USP36: variants seen among roughly 807,000 people sequenced by gnomAD.
USP36 encodes ubiquitin specific peptidase 36.
In USP36, 59 loss-of-function variants were observed where a neutral mutation model predicts 111.5. The ratio of observed to expected loss-of-function variants is 0.53; its 90% CI spans 0.43 to 0.66. The LOEUF (loss-of-function observed/expected upper bound fraction) is 0.66, where lower values mean the gene tolerates loss of function less well. USP36 is among the 30% of genes least tolerant of loss of function. The pLI is 0.00. For missense variants in USP36, 1,488 were observed against 1,468.0 expected (o/e 1.01, Z -0.22); for synonymous variants, 628 against 581.0 (o/e 1.08, Z -1.16).
rs144756950 is a variant in USP36 at position 78,802,329 on chromosome 17, C to T, written c.3017G>A (p.Arg1006His). 1,033 of 1,573,802 alleles carry T rather than the reference C, an allele frequency of 6.6e-4. No homozygotes were observed. The highest frequency in any genetic ancestry group is 7.6e-4 in the Non-Finnish European group (887 of 1,159,566). The change falls in exon 17 of 21, where the codon CGC (arginine) becomes CAC (histidine). Residue 1006 changes from arginine (R) to histidine (H), a missense_variant. Transcript: ENST00000449938. ...CCCCCTCGCCCGGTGCATACCCATG[C>T]GGTCCCCAGGACACCAGCCATTCGC... ...PSANGWCPGD[R>H]MGLSQAPPVS...
rs749228894 is a variant in USP36 at position 78,827,340 on chromosome 17, G to A, written c.594C>T (p.Ala198=). 7 of 1,611,640 alleles carry A rather than the reference G, an allele frequency of 4.3e-6. No homozygotes were observed. The highest frequency in any genetic ancestry group is 4.2e-6 in the Non-Finnish European group (5 of 1,178,296). The part of the protein sequence containing the change: ...VSFIRDLKKI[A]RHFRFGNQED... ...CCTGGTTCCCAAAGCGGAAGTGTCG[G>A]GCGATCTCTAAAAGAGGAAGAAACA... The change falls in exon 6 of 21, where the codon GCC becomes GCT. Residue 198 remains alanine, a synonymous_variant. Transcript: ENST00000449938.
At chr17:78,808,236 GCGATAACTCTCAATAAATA>G (rs78602598) in intron 13 of USP36, among the ~76,000 whole-genome samples, 21,577 of 152,026 alleles carry the variant, frequency 0.14, 1,967 homozygotes, top group Middle Eastern at 0.23. Flanking sequence ...ATTTTTATGG[GCGATAACTCTCAATAAATA>G]TCTTTAAGAC....
upstream of USP36, chr17:78,841,087 A>G (rs1178110227): frequency 1.3e-5 from 2 of 152,164 alleles, no homozygotes; most frequent in Non-Finnish European, 2.9e-5. Flanking sequence ...GCAGCGCACT[A>G]GAGGTGCCGC....
At chr17:78,825,314 A>C (rs994224638) in intron 6 of USP36, among the ~76,000 whole-genome samples, 28 of 152,326 alleles carry the variant, frequency 1.8e-4, no homozygotes, top group African/African-American at 6.3e-4. Flanking sequence ...AGTAACATCA[A>C]AAGTCATCTA....
intron 7 of USP36, chr17:78,821,451 A>G (rs559325393): frequency 1.1e-5 from 1 of 91,430 alleles, no homozygotes; most frequent in African/African-American, 5.3e-5. Context: ...TTTTTGAGAT[A>G]GAGTCTTGCT....
rs143626464 is a variant in USP36, at chr17:78,836,181, C to T, written c.183G>A (p.Val61=). ...CTCCCTCTGTTTTGGGGTTGAGCAA[C>T]ACATATTTGCTCTTTAAGGCCTCCA... The part of the protein sequence containing the change: ...YQLEALKSKY[V]LLNPKTEGAS... The change falls in exon 3 of 21, where the codon GTG becomes GTA. Residue 61 remains valine (V), a synonymous_variant. Coordinates refer to ENST00000449938, the MANE Select transcript of USP36 (RefSeq NM_001385174.1). The T allele has an allele frequency of 1.2e-6, 2 of 1,614,060 alleles. No individual in the cohort carries two copies. Among genetic ancestry groups the T allele is most frequent in the African/African-American group, 2.7e-5 (2 of 74,918 alleles).
At chr17:78,820,401 T>G (rs2094291289) in intron 8 of USP36, among the ~76,000 whole-genome samples, 1 of 152,000 alleles carries the variant, frequency 6.6e-6, no homozygotes. Context: ...AGGTCAACAC[T>G]ACAGTGAGCT....
At chr17:78,823,131 C>A (rs778576275) in intron 6 of USP36, 15 of 398,666 alleles carry the variant, frequency 3.8e-5, no homozygotes, top group Non-Finnish European at 6.2e-5. Context: ...TTCCCAGACT[C>A]CGGGAGCTCT....
Position 78,798,209 on chromosome 17 carries a change from C to A in USP36, c.*20+191G>T. 1.5e-6 allele frequency: 1 copy of A among 686,060 alleles called. No individual in the cohort carries two copies. The highest frequency in any genetic ancestry group is 2.4e-6 in the Non-Finnish European group (1 of 416,110). 42.5% of individuals were successfully genotyped at this position (686,060 alleles called of 1,614,324 possible). ...CCCCCTTATACACACGCATCCCACA[C>A]ACACCCTTCTCCAAGTGACTAGGAC... On this transcript the variant is annotated intron_variant, in intron 20 of 20. Coordinates refer to ENST00000449938, the MANE Select transcript of USP36 (RefSeq NM_001385174.1). This position sits in a 1 kb window ranked among gnomAD's most constrained non-coding sequence, Gnocchi z 5.1.
At chr17:78,813,667 G>T in intron 12 of USP36, 106 bp downstream of exon 12, 1 of 967,962 alleles carries the variant, frequency 1.0e-6, no homozygotes, top group Non-Finnish European at 1.6e-6. Context: ...AATCCCTCCA[G>T]TGGAATTCCC....
chr17:78,804,625 TAAAAAAAAA>T (rs35371422), intron 15 of USP36, among the ~76,000 whole-genome samples: 6 of 38,310 alleles, frequency 1.6e-4, no homozygotes, highest in South Asian at 8.0e-4. Context: ...CCCTGAGATT[TAAAAAAAAA>T]AAAAAAAAAA....
chr17:78,804,497 A>C lies in USP36; in HGVS notation c.2217-519T>G, dbSNP rs1420792378. On this transcript the variant is annotated intron_variant, in intron 15 of 20. Transcript: ENST00000449938. The stretch of plus-strand genomic sequence containing the variant: ...AACCAAAAAAACAAAAACAAAAACA[A>C]AAAAAAAAAAACAAAGTTACCTAGG... 6.2e-4 allele frequency among the ~76,000 whole-genome samples: 4 copies of C among 6,440 alleles called. No homozygotes were observed. In the East Asian group the frequency reaches 0.012, roughly 19 times the overall value. 4.2% of individuals were successfully genotyped at this position (6,440 alleles called of 152,430 possible).
Position 78,818,720 on chromosome 17 carries a change from A to C in USP36, c.970T>G (p.Leu324Val). The C allele has an allele frequency of 2.5e-6, 4 of 1,614,056 alleles. No homozygotes were observed. Among genetic ancestry groups the C allele is most frequent in the Non-Finnish European group, 3.4e-6 (4 of 1,179,922 alleles). ...GCAAAGCGCTTGAGGGAAAGGGTTA[A>C]GACGTTGGATGTTCTGTGGATGGTG... ...RFTIHRTSNVLTLSLKRFANF... is the reference protein window; with the variant it reads ...RFTIHRTSNVVTLSLKRFANF... The change falls in exon 10 of 21, where the codon TTA becomes GTA. Residue 324 changes from leucine (L) to valine (V), a missense_variant. Leu to Val is a conservative substitution (Grantham distance 32). This residue lies in a region of USP36 where 196 missense variants were observed against 264.4 expected (regional missense o/e 0.74). Transcript: ENST00000449938.
chr17:78,791,755 A>T (rs2093586225), downstream of USP36: 1 of 152,194 alleles, frequency 6.6e-6, no homozygotes, highest in South Asian at 2.1e-4. Context: ...AGGAGTGAGA[A>T]ACCTTATGTT....
intron 13 of USP36, among the ~76,000 whole-genome samples, chr17:78,812,559 G>A (rs900557333): frequency 1.1e-4 from 16 of 151,678 alleles, no homozygotes; most frequent in East Asian, 1.9e-4. Flanking sequence ...GGCGTGGTTC[G>A]GGCACCTATA....
intron 18 of USP36, 85 bp from the exon 19 acceptor site, chr17:78,799,108 G>A: frequency 2.3e-6 from 3 of 1,317,058 alleles, no homozygotes; most frequent in East Asian, 4.6e-5. Flanking sequence ...TTACCAACTA[G>A]TCTACTCATA....
intron 7 of USP36, 71 bp from the exon 8 acceptor site, chr17:78,821,132 C>T (rs995232386): frequency 2.1e-6 from 3 of 1,461,390 alleles, no homozygotes; most frequent in Non-Finnish European, 1.9e-6. Context: ...AGACCGAGAC[C>T]CAGCAGGGAG....
At chr17:78,839,931 TC>T (rs2069095368) in intron 1 of USP36, among the ~76,000 whole-genome samples, 1 of 152,156 alleles carries the variant, frequency 6.6e-6, no homozygotes, top group Admixed American at 6.6e-5. Flanking sequence ...TTAGGCTCAT[TC>T]CCGCTCCCTC....
At chr17:78,808,802 T>C (rs1233389179) in intron 13 of USP36, among the ~76,000 whole-genome samples, 1 of 152,094 alleles carries the variant, frequency 6.6e-6, no homozygotes, top group Non-Finnish European at 1.5e-5. Context: ...GTTATCTCTC[T>C]CGTTCCCACT....
Sources: gnomAD v4.1 joint callset for allele counts (sites outside exome capture counted in the v4.1 genomes callset) on GRCh38, gnomAD v4.1.1 for gene constraint, gnomAD v4.1.1 regional missense constraint, Gnocchi (gnomAD v3.1) non-coding constraint, MANE v1.5 for transcripts, NCBI Gene and HGNC (gene_info 2026-07-23, HGNC 2026-07-21) for gene names.